CCDC7: variants seen among roughly 807,000 people sequenced by gnomAD.
CCDC7 encodes the protein coiled-coil domain-containing protein 7.
Under a neutral mutation model 196.9 loss-of-function variants are expected in CCDC7, and 183 were observed. The ratio of observed to expected loss-of-function variants is 0.93; its 90% CI spans 0.82 to 1.05. The LOEUF (loss-of-function observed/expected upper bound fraction) is 1.05. Ranked by LOEUF, CCDC7 falls within the 50% of genes least tolerant of loss-of-function variation. The pLI, the probability that CCDC7 is intolerant of heterozygous loss-of-function variation, is 0.00. For missense variants in CCDC7, 1,540 were observed against 1,482.2 expected (o/e 1.04, Z -0.64); for synonymous variants, 525 against 484.6 (o/e 1.08, Z -1.10).
Position 32,766,305 on chromosome 10 carries a change from A to T in CCDC7, c.2906-12672A>T, listed in dbSNP as rs535829345. 9.9e-5 allele frequency among the ~76,000 whole-genome samples: 15 copies of T among 152,038 alleles called. No homozygotes were observed. In the East Asian group the frequency reaches 2.9e-3, roughly 29 times the overall value. ...ACTTCTCTGTATATTAAGGCAACGT[A>T]TTCCTCATTTGGGCATGCTACTGTG... On this transcript the variant is annotated intron_variant, in intron 28 of 41. Transcript: ENST00000639629.
chr10:32,460,334 A>T (rs570178531), intron 3 of CCDC7, among the ~76,000 whole-genome samples: 2 of 152,336 alleles, frequency 1.3e-5, no homozygotes, highest in African/African-American at 4.8e-5. Flanking sequence ...GGCATTTCAC[A>T]GTGGATCAGT....
intron 24 of CCDC7, among the ~76,000 whole-genome samples, chr10:32,698,256 G>C (rs1353705394): frequency 6.6e-6 from 1 of 152,220 alleles, no homozygotes; most frequent in Non-Finnish European, 1.5e-5. Flanking sequence ...AACCAGAGCA[G>C]AAAAGTTGAA....
chr10:32,829,459 A>G (rs970712699), intron 32 of CCDC7, among the ~76,000 whole-genome samples: 4 of 152,232 alleles, frequency 2.6e-5, no homozygotes, highest in African/African-American at 9.6e-5. Flanking sequence ...TGTACTAAGA[A>G]CATATCTTCA....
chr10:32,824,412 C>G (rs921922865), intron 31 of CCDC7, 106 bp from the exon 33 acceptor site: 6 of 616,244 alleles, frequency 9.7e-6, no homozygotes, highest in Non-Finnish European at 1.6e-5. Context: ...TATTATAATT[C>G]TACTCCAATG....
chr10:32,851,470 C>T (rs2153873), intron 39 of CCDC7, among the ~76,000 whole-genome samples: 150,459 of 152,266 alleles, frequency 0.99, 74,361 homozygotes, highest in Middle Eastern at 1. Flanking sequence ...GCCTAACATA[C>T]GATCTGTTCT....
chr10:32,828,506 A>AGAAGAGGAAGAGGAAGAGGAAGAG (rs2091679047), intron 32 of CCDC7, among the ~76,000 whole-genome samples: 2 of 132,298 alleles, frequency 1.5e-5, no homozygotes, highest in Admixed American at 7.7e-5. Flanking sequence ...AAGAAGAAGA[A>AGAAGAGGAAGAGGAAGAGGAAGAG]GAAGAAGAAG....
chr10:32,561,045 A>G (rs1278010442), intron 13 of CCDC7, among the ~76,000 whole-genome samples: 3 of 19,914 alleles, frequency 1.5e-4, no homozygotes, highest in Non-Finnish European at 5.3e-3. Flanking sequence ...AACAGACTTT[A>G]AACCACAAAG....
At chr10:32,481,335 C>A (rs949754506) in intron 8 of CCDC7, among the ~76,000 whole-genome samples, 2 of 152,052 alleles carry the variant, frequency 1.3e-5, no homozygotes, top group Admixed American at 6.6e-5. Context: ...CTTACTATTG[C>A]CATTCTGTTA....
chr10:32,455,230 A>G (rs3004205), intron 2 of CCDC7, among the ~76,000 whole-genome samples: 20,945 of 151,694 alleles, frequency 0.14, 1,762 homozygotes, highest in East Asian at 0.25. Context: ...CCCGTCTCCT[A>G]TATGATTATA....
intron 32 of CCDC7, among the ~76,000 whole-genome samples, chr10:32,830,846 C>T (rs1312026273): frequency 6.6e-6 from 1 of 151,960 alleles, no homozygotes; most frequent in Non-Finnish European, 1.5e-5. Flanking sequence ...AATACTAGTC[C>T]ACCAATCTAA....
At chr10:32,489,604 T>C (rs1007657943) in intron 8 of CCDC7, among the ~76,000 whole-genome samples, 3 of 152,180 alleles carry the variant, frequency 2.0e-5, no homozygotes, top group Admixed American at 6.6e-5. Context: ...TGTGAACACA[T>C]GCAGAGCAAC....
exon 2 of CCDC7, chr10:32,453,364 A>G: frequency 6.6e-7 from 1 of 1,509,882 alleles, no homozygotes; most frequent in Non-Finnish European, 8.8e-7. Context: ...CTTTGGAAGA[A>G]ACCTATGGAC....
At chr10:32,673,721 A>G (rs2074460335) in intron 21 of CCDC7, among the ~76,000 whole-genome samples, 2 of 150,294 alleles carry the variant, frequency 1.3e-5, no homozygotes, top group South Asian at 2.1e-4. Flanking sequence ...AAAATCAATA[A>G]CAAATAGTGA....
intron 13 of CCDC7, among the ~76,000 whole-genome samples, chr10:32,562,566 A>G (rs1170615240): frequency 1.3e-5 from 2 of 152,234 alleles, no homozygotes; most frequent in African/African-American, 2.4e-5. Flanking sequence ...GATTATCTCA[A>G]TAGATGCAGG....
Position 32,511,268 on chromosome 10 carries a change from G to GGGA in CCDC7, c.873-6676_873-6675insGAG. On this transcript the variant is annotated intron_variant, in intron 9 of 41. Transcript: ENST00000639629. ...GAATTATTCTGTGGGGGGCGGGGGG[G>GGGA]GCGGGGAAATGTACTTTTTGAATAT... is the stretch of plus-strand genomic sequence containing the variant. 1.1e-5 allele frequency: 6 copies of GGGA among 529,774 alleles called. 1 individual carries two copies. Among genetic ancestry groups the GGGA allele is most frequent in the Non-Finnish European group, 1.9e-5 (6 of 313,290 alleles). 32.8% of individuals were successfully genotyped at this position (529,774 alleles called of 1,614,324 possible).
chr10:32,845,940 A>T (rs772931292), exon 36 of CCDC7: 2 of 1,611,600 alleles, frequency 1.2e-6, no homozygotes, highest in Admixed American at 3.3e-5. Flanking sequence ...CAATCACTAC[A>T]CAACTGAAGA....
intron 28 of CCDC7, among the ~76,000 whole-genome samples, chr10:32,761,223 AC>A (rs998593185): frequency 6.6e-6 from 1 of 151,998 alleles, no homozygotes; most frequent in Non-Finnish European, 1.5e-5. Context: ...TCACTGGGGC[AC>A]CCAGCAGTTA....
chr10:32,849,701 C>CAAAAAAAAAAAAAAAA (rs34677799), intron 39 of CCDC7, among the ~76,000 whole-genome samples: 2 of 80,818 alleles, frequency 2.5e-5, no homozygotes, highest in African/African-American at 5.4e-5. Flanking sequence ...GACTCCGTCT[C>CAAAAAAAAAAAAAAAA]AAAAAAAAAA....
rs557790095 is a variant in CCDC7 at position 32,477,911 on chromosome 10, A to G, written c.796+3888A>G. Among the ~76,000 whole-genome samples, 6 of 152,340 alleles carry G rather than the reference A, an allele frequency of 3.9e-5. 1 individual carries two copies. The South Asian group carries it at 8.3e-4, about 21-fold the overall frequency. On this transcript the variant is annotated intron_variant, in intron 8 of 41. Coordinates refer to ENST00000639629, the Ensembl canonical transcript of CCDC7. ...TTTTGATTGAGATTGCATTGAATCT[A>G]TGGATTAAATGGACAAGAACTTGTA...
Sources: gnomAD v4.1 joint callset for allele counts (sites outside exome capture counted in the v4.1 genomes callset) on GRCh38, gnomAD v4.1.1 for gene constraint, MANE v1.5 for transcripts, NCBI Gene and HGNC (gene_info 2026-07-23, HGNC 2026-07-21) for gene names.